Variants in ZNF469 observed in about 807,000 individuals in gnomAD.
ZNF469 encodes zinc finger protein 469.
A neutral mutation model predicts 1.0 loss-of-function variants in ZNF469; 1 was observed. The observed-to-expected ratio is 1.00, with a 90% CI of 0.35 to 4.73. The LOEUF (loss-of-function observed/expected upper bound fraction) is 4.73. ZNF469 is among the 30% of genes most tolerant of loss of function. The probability of loss-of-function intolerance (pLI) is 0.16; values close to 1 mark genes in which losing one functional copy is unlikely to be tolerated. For synonymous variants in ZNF469, 2,703 were observed against 2,363.4 expected, an observed-to-expected ratio of 1.14 and a Z score of -4.17; for missense variants, 6,100 against 5,356.3, an observed-to-expected ratio of 1.14 and a Z score of -4.33.
chr16:88,239,352 G>C, the ZNF469 span, among the ~76,000 whole-genome samples: 4 of 152,086 alleles, frequency 2.6e-5, no homozygotes, highest in Non-Finnish European at 5.9e-5. Flanking sequence ...TTAAGTTCTA[G>C]CATTGACTGT....
At chr16:88,153,920 C>A in the ZNF469 span, among the ~76,000 whole-genome samples, 4 of 152,216 alleles carry the variant, frequency 2.6e-5, no homozygotes, top group African/African-American at 9.6e-5. Flanking sequence ...ATCAGGGCCC[C>A]ACTCTCAAAG....
chr16:88,133,548 TA>T, the ZNF469 span, among the ~76,000 whole-genome samples: 1 of 151,980 alleles, frequency 6.6e-6, no homozygotes, highest in Non-Finnish European at 1.5e-5. Flanking sequence ...TAAAAATAAA[TA>T]AAACCAACAG....
the ZNF469 span, among the ~76,000 whole-genome samples, chr16:88,227,455 A>C: frequency 1.3e-5 from 2 of 148,948 alleles, no homozygotes; most frequent in Non-Finnish European, 1.5e-5. Flanking sequence ...TCCCTCCCTC[A>C]GCTTCTCCCT....
chr16:88,419,440 C>T (rs2142289227), intron 1 of ZNF469, among the ~76,000 whole-genome samples: 1 of 152,312 alleles, frequency 6.6e-6, no homozygotes, highest in East Asian at 1.9e-4. Context: ...TGACCTTGGG[C>T]AGGTTCTGTG....
the ZNF469 span, among the ~76,000 whole-genome samples, chr16:88,365,954 C>T: frequency 6.6e-6 from 1 of 152,188 alleles, no homozygotes; most frequent in African/African-American, 2.4e-5. Context: ...TGACAGTGCC[C>T]CCTGCAGAAA....
chr16:88,251,009 C>T, the ZNF469 span, among the ~76,000 whole-genome samples: 727 of 152,278 alleles, frequency 4.8e-3, 10 homozygotes, highest in African/African-American at 0.017. Flanking sequence ...TCCCAAGTAG[C>T]TGGGACTACA....
chr16:88,187,571 AG>A, the ZNF469 span, among the ~76,000 whole-genome samples: 2 of 148,924 alleles, frequency 1.3e-5, no homozygotes, highest in Non-Finnish European at 3.0e-5. Flanking sequence ...GAGGGTATTT[AG>A]GTTGTTTTTT....
chr16:88,396,694 G>A (rs1415274202), intron 1 of ZNF469, among the ~76,000 whole-genome samples: 1 of 149,598 alleles, frequency 6.7e-6, no homozygotes, highest in African/African-American at 2.5e-5. Flanking sequence ...CCCGTCTGAA[G>A]GGAGGCCAGA....
the ZNF469 span, among the ~76,000 whole-genome samples, chr16:88,218,796 G>A: frequency 3.3e-3 from 501 of 151,458 alleles, 3 homozygotes; most frequent in African/African-American, 0.012. Context: ...GGAAATAAAA[G>A]GTATTCAATT....
At chr16:88,330,574 C>G in the ZNF469 span, among the ~76,000 whole-genome samples, 1 of 152,216 alleles carries the variant, frequency 6.6e-6, no homozygotes, top group African/African-American at 2.4e-5. Context: ...CTGTGGCCTC[C>G]GCTTCATGGA....
chr16:88,192,816 G>A, the ZNF469 span, among the ~76,000 whole-genome samples: 1 of 150,494 alleles, frequency 6.6e-6, no homozygotes, highest in South Asian at 2.1e-4. Context: ...TAATGATGGT[G>A]ATGGTGGTGG....
chr16:88,228,335 C>T, the ZNF469 span, among the ~76,000 whole-genome samples: 2 of 152,354 alleles, frequency 1.3e-5, no homozygotes, highest in African/African-American at 2.4e-5. Flanking sequence ...ACAGCACACA[C>T]GGCGCCTGGC....
At chr16:88,132,368 C>T in the ZNF469 span, among the ~76,000 whole-genome samples, 1 of 152,244 alleles carries the variant, frequency 6.6e-6, no homozygotes, top group East Asian at 1.9e-4. Context: ...GGCTGCAGCT[C>T]CATCATCCCC....
chr16:88,372,795 TCAC>T, the ZNF469 span, among the ~76,000 whole-genome samples: 4 of 151,568 alleles, frequency 2.6e-5, no homozygotes, highest in Non-Finnish European at 5.9e-5. Flanking sequence ...ATCATCACCA[TCAC>T]CACCATCATT....
chr16:88,352,891 G>T, the ZNF469 span, among the ~76,000 whole-genome samples: 1 of 152,324 alleles, frequency 6.6e-6, no homozygotes, highest in African/African-American at 2.4e-5. Context: ...CGAGTGAGAC[G>T]GCTCCTCCTG....
At chr16:88,264,002 A>C in the ZNF469 span, among the ~76,000 whole-genome samples, 1 of 152,028 alleles carries the variant, frequency 6.6e-6, no homozygotes, top group African/African-American at 2.4e-5. Context: ...CCTCCTGCCC[A>C]CACCAGCCTC....
chr16:88,363,641 G>T, the ZNF469 span, among the ~76,000 whole-genome samples: 1 of 152,176 alleles, frequency 6.6e-6, no homozygotes, highest in Non-Finnish European at 1.5e-5. Context: ...CTGTCTTCTG[G>T]TTTTTCCACC....
chr16:88,379,914 G>GACAACA (rs2092516559), upstream of ZNF469, among the ~76,000 whole-genome samples: 9 of 152,190 alleles, frequency 5.9e-5, no homozygotes, highest in Admixed American at 5.9e-4. Flanking sequence ...AGTGGGTACA[G>GACAACA]GGTCATCCCC....
chr16:88,107,231 C>G, the ZNF469 span, among the ~76,000 whole-genome samples: 8 of 152,250 alleles, frequency 5.3e-5, no homozygotes, highest in Non-Finnish European at 1.0e-4. Flanking sequence ...CTATAAAGAA[C>G]TGCCCAAGAC....
Sources: allele counts gnomAD v4.1 joint callset (sites outside exome capture counted in the v4.1 genomes callset), GRCh38; gene constraint gnomAD v4.1.1; transcripts MANE v1.5; gene names NCBI Gene and HGNC (gene_info 2026-07-23, HGNC 2026-07-21).